Variants in ERCC2 observed in about 807,000 individuals in gnomAD.
The protein encoded by ERCC2 is general transcription and DNA repair factor IIH helicase subunit XPD.
In ERCC2, 90 loss-of-function variants were observed where a neutral mutation model predicts 99.4. That is an observed-to-expected ratio of 0.91 (90% CI 0.76 to 1.08). The LOEUF (loss-of-function observed/expected upper bound fraction) is 1.08, where lower values mean the gene tolerates loss of function less well. Ranked by LOEUF, ERCC2 falls within the 50% of genes least tolerant of loss-of-function variation. The probability of loss-of-function intolerance (pLI) is 0.00; values close to 1 mark genes in which losing one functional copy is unlikely to be tolerated. For missense variants in ERCC2, 993 were observed against 1,038.1 expected (o/e 0.96, Z 0.60); for synonymous variants, 497 against 432.4 (o/e 1.15, Z -1.85).
chr19:45,353,258 A>G lies in ERCC2; in HGVS notation c.1742T>C (p.Leu581Pro), dbSNP rs779887284. The G allele has an allele frequency of 1.7e-5, 28 of 1,613,496 alleles. No homozygotes were observed. The highest frequency in any genetic ancestry group is 1.3e-4 in the Admixed American group (8 of 59,956). ...CACACCCACCTCCTGGTACTTCTCC[A>G]GGGCGACACTGGTTTCGGCACCATC... ...TQDGAETSVA[L>P]EKYQEACENG... The change falls in exon 18 of 23, where the codon CTG becomes CCG. Residue 581 changes from leucine (L) to proline (P), a missense_variant. Around this residue, in one of 3 missense-constraint regions of ERCC2, gnomAD observed 909 missense variants for 930.8 expected, o/e 0.98. Transcript: ENST00000391945.
At chr19:45,351,848 T>A (rs1426115773) in intron 22 of ERCC2, 127 bp from the exon 23 acceptor site, 1 of 819,216 alleles carries the variant, frequency 1.2e-6, no homozygotes, top group Non-Finnish European at 2.0e-6. Flanking sequence ...TTTGGAGATG[T>A]CCGTATAATC....
chr19:45,349,850 C>A lies in ERCC2; in HGVS notation c.*1779G>T. Reference sequence around the variant, plus strand: ...GGCAGGCACAGGTGGCAGCAGCAGACATTTATTGAGCTCACTGTGGCCGGC... The same window carrying A: ...GGCAGGCACAGGTGGCAGCAGCAGAAATTTATTGAGCTCACTGTGGCCGGC... On this transcript the variant is annotated 3_prime_UTR_variant, in exon 23 of 23. Coordinates refer to ENST00000391945, the MANE Select transcript of ERCC2 (RefSeq NM_000400.4). The A allele has an allele frequency of 1.9e-6, 1 of 523,202 alleles. No individual in the cohort carries two copies. Among genetic ancestry groups the A allele is most frequent in the Non-Finnish European group, 3.4e-6 (1 of 295,780 alleles). The allele number at this position is 523,202 out of a possible 1,614,324, so 32.4% of individuals were successfully genotyped here.
In ERCC2 at chr19:45,364,177, C is replaced by G. The variant is rs977276360; in HGVS notation, c.815+58G>C. ...CTGGCAACCCTGGGGACAAGTCAGA[C>G]AGGGGCCAGGGTCCCAGGGGCAGGG... is the stretch of plus-strand genomic sequence containing the variant. On this transcript the variant is annotated intron_variant, in intron 9 of 22. Coordinates refer to ENST00000391945, the MANE Select transcript of ERCC2 (RefSeq NM_000400.4). 1.6e-5 allele frequency: 26 copies of G among 1,611,590 alleles called. No individual in the cohort carries two copies. In the East Asian group the frequency reaches 5.6e-4, roughly 35 times the overall value.
intron 12 of ERCC2, among the ~76,000 whole-genome samples, chr19:45,361,054 C>T (rs1365844845): frequency 1.3e-5 from 2 of 151,890 alleles, no homozygotes; most frequent in East Asian, 3.9e-4. Flanking sequence ...TTGCTTGAAC[C>T]CAGGAGGCAG....
In ERCC2 at chr19:45,370,162, G is replaced by C; in HGVS notation, c.76C>G (p.Arg26Gly). 2.5e-6 allele frequency: 4 copies of C among 1,613,232 alleles called. No homozygotes were observed. Among genetic ancestry groups the C allele is most frequent in the African/African-American group, 1.3e-5 (1 of 75,010 alleles). The change falls in exon 2 of 23, where the codon CGG becomes GGG. Residue 26 changes from arginine (R) to glycine (G), a missense_variant. Coordinates refer to ENST00000391945, the MANE Select transcript of ERCC2 (RefSeq NM_000400.4). ...YIYPEQFSYM[R>G]ELKRTLDAKG... ...GCGTCCAGCGTGCGTTTGAGCTCCC[G>C]CATGTAGGAGAACTGCTCGGGGTAG...
rs1555774465 is a variant in ERCC2, at chr19:45,350,302, T to G, written c.*1327A>C. The G allele has an allele frequency of 3.3e-6, 5 of 1,515,892 alleles. No homozygotes were observed. Among genetic ancestry groups the G allele is most frequent in the Non-Finnish European group, 1.8e-6 (2 of 1,098,090 alleles). The allele number at this position is 1,515,892 out of a possible 1,614,324, so 93.9% of individuals were successfully genotyped here. On this transcript the variant is annotated 3_prime_UTR_variant, in exon 23 of 23. Transcript: ENST00000391945. ...CGGGACTGGATGCAGTGTTGGGAAC[T>G]GGGGTCCGAAAAGTTCCCAGACACT... is the stretch of plus-strand genomic sequence containing the variant.
At chr19:45,362,032 T>C in intron 11 of ERCC2, 1 of 232,802 alleles carries the variant, frequency 4.3e-6, no homozygotes, top group South Asian at 5.1e-5. Context: ...TTCAAATGAT[T>C]CTCCTGCCTC....
chr19:45,351,416 G>A lies in ERCC2; in HGVS notation c.*213C>T. 1 of 1,597,058 alleles carries A rather than the reference G, an allele frequency of 6.3e-7. No individual in the cohort carries two copies. Among genetic ancestry groups the A allele is most frequent in the South Asian group, 1.1e-5 (1 of 90,736 alleles). On this transcript the variant is annotated 3_prime_UTR_variant, in exon 23 of 23. Transcript: ENST00000391945. ...GGAACAGTGCAGGAGGGATGGGCTGGTGGGGTGAGAGGGGGTCTATCATCT... is the reference window on the plus strand; with the variant it reads ...GGAACAGTGCAGGAGGGATGGGCTGATGGGGTGAGAGGGGGTCTATCATCT...
At chr19:45,364,389 G>T (rs1229628689) in intron 8 of ERCC2, 35 bp downstream of exon 8, 1 of 1,613,900 alleles carries the variant, frequency 6.2e-7, no homozygotes, top group Non-Finnish European at 8.5e-7. Flanking sequence ...ACTCAGAGGG[G>T]CTGGCATCCC....
Position 45,351,070 on chromosome 19 carries a change from A to G in ERCC2, c.*559T>C. 6.2e-7 allele frequency: 1 copy of G among 1,613,692 alleles called. No homozygotes were observed. Among genetic ancestry groups the G allele is most frequent in the East Asian group, 2.2e-5 (1 of 44,876 alleles). On this transcript the variant is annotated 3_prime_UTR_variant, in exon 23 of 23. Coordinates refer to ENST00000391945, the MANE Select transcript of ERCC2 (RefSeq NM_000400.4). The stretch of plus-strand genomic sequence containing the variant: ...GAGGAGGCCATGTGGGTAGGTGCAG[A>G]GATGAGGCAAAGGCAGGGCGGTCGG...
intron 5 of ERCC2, among the ~76,000 whole-genome samples, chr19:45,367,727 T>G (rs908959741): frequency 6.6e-6 from 1 of 152,022 alleles, no homozygotes; most frequent in African/African-American, 2.4e-5. Flanking sequence ...TTGGCCAGGC[T>G]GGTCTCAAAC....
chr19:45,351,276 C>T lies in ERCC2; in HGVS notation c.*353G>A. 6.2e-7 allele frequency: 1 copy of T among 1,612,184 alleles called. No individual in the cohort carries two copies. The highest frequency in any genetic ancestry group is 8.5e-7 in the Non-Finnish European group (1 of 1,179,830). On this transcript the variant is annotated 3_prime_UTR_variant, in exon 23 of 23. Coordinates refer to ENST00000391945, the MANE Select transcript of ERCC2 (RefSeq NM_000400.4). ...CCTCCCCTCCAACCATCCCCTGTGC[C>T]TGTCTCCAGTTTCCCAGCTGGCACC...
rs143680124 is a variant in ERCC2 at position 45,353,138 on chromosome 19, G to A, written c.1776C>T (p.Arg592=). 150 of 1,613,644 alleles carry A rather than the reference G, an allele frequency of 9.3e-5. No homozygotes were observed. The highest frequency in any genetic ancestry group is 2.4e-4 in the African/African-American group (18 of 74,868). The change falls in exon 19 of 23, where the codon CGC becomes CGT. Residue 592 remains arginine, a synonymous_variant. Coordinates refer to ENST00000391945, the MANE Select transcript of ERCC2 (RefSeq NM_000400.4). The part of the protein sequence containing the change: ...EKYQEACENG[R]GAILLSVARG... The stretch of plus-strand genomic sequence containing the variant: ...GGGCCACTGACAGCAGGATGGCCCC[G>A]CGGCCATTCTCGCAGGCCTGAGGTG...
At chr19:45,352,854 G>A (rs769588231) in intron 19 of ERCC2, 38 bp from the exon 20 acceptor site, 92 of 1,595,104 alleles carry the variant, frequency 5.8e-5, no homozygotes, top group Non-Finnish European at 7.3e-5. Flanking sequence ...GGGGTTACAA[G>A]TGTGGCTGGT....
At position 45,361,973 on chromosome 19, in the gene ERCC2, G is replaced by A. The variant is rs537980508; in HGVS notation, c.1119-331C>T. ...CTTTGTTCAGATGGAGTCTTGCCCT[G>A]TCATCCAGGCTGGAGAGCACTGGTA... On this transcript the variant is annotated intron_variant, in intron 11 of 22. Transcript: ENST00000391945. The A allele has an allele frequency of 4.5e-5, 15 of 332,232 alleles. No individual in the cohort carries two copies. The Admixed American group carries it at 4.5e-4, about 10-fold the overall frequency. The allele number at this position is 332,232 out of a possible 1,614,324, so 20.6% of individuals were successfully genotyped here. A position where few individuals can be genotyped will look rare whatever the true frequency, so the allele number is the denominator to read the frequency against.
At chr19:45,364,700 G>A (rs1238011486) in intron 7 of ERCC2, 138 bp downstream of exon 7, 1 of 1,301,756 alleles carries the variant, frequency 7.7e-7, no homozygotes, top group Non-Finnish European at 1.1e-6. Context: ...CAGACCAACA[G>A]ATACGGGCAC....
chr19:45,362,419 CCA>C (rs917541810), intron 11 of ERCC2, among the ~76,000 whole-genome samples: 8 of 152,212 alleles, frequency 5.3e-5, no homozygotes, highest in Non-Finnish European at 1.0e-4. Context: ...CACCCACATC[CCA>C]CAGAGTCCCA....
At chr19:45,356,347 G>T (rs572621822) in intron 15 of ERCC2, among the ~76,000 whole-genome samples, 22 of 152,208 alleles carry the variant, frequency 1.4e-4, no homozygotes, top group African/African-American at 4.3e-4. Context: ...AGCAAAACCT[G>T]CCCTGCCCCG....
Position 45,351,267 on chromosome 19 carries a change from C to A in ERCC2, c.*362G>T. Reference sequence around the variant, plus strand: ...TGCCCCTCACCTCCCCTCCAACCATCCCCTGTGCCTGTCTCCAGTTTCCCA... The same window carrying A: ...TGCCCCTCACCTCCCCTCCAACCATACCCTGTGCCTGTCTCCAGTTTCCCA... On this transcript the variant is annotated 3_prime_UTR_variant, in exon 23 of 23. Transcript: ENST00000391945. 6.2e-7 allele frequency: 1 copy of A among 1,611,112 alleles called. No individual in the cohort carries two copies.
Sources: gnomAD v4.1 joint callset for allele counts (sites outside exome capture counted in the v4.1 genomes callset) on GRCh38, gnomAD v4.1.1 for gene constraint, gnomAD v4.1.1 regional missense constraint, MANE v1.5 for transcripts, NCBI Gene and HGNC (gene_info 2026-07-23, HGNC 2026-07-21) for gene names.